The following BANK1 variants were observed in gnomAD, a reference collection of about 807,000 sequenced individuals.
BANK1 encodes B cell scaffold protein with ankyrin repeats 1.
In BANK1, 95 loss-of-function variants were observed where a neutral mutation model predicts 94.5. The observed-to-expected ratio is 1.00, with a 90% CI of 0.85 to 1.19. The LOEUF is 1.19. Ranked by LOEUF, BANK1 falls within the 50% of genes most tolerant of loss-of-function variation. BANK1 has a pLI of 0.00. For missense variants in BANK1, 987 were observed against 932.2 expected (o/e 1.06, Z -0.77); for synonymous variants, 334 against 308.4 (o/e 1.08, Z -0.87).
At chr4:101,883,568 C>T (rs1728749991) in intron 5 of BANK1, among the ~76,000 whole-genome samples, 3 of 152,140 alleles carry the variant, frequency 2.0e-5, no homozygotes. Flanking sequence ...CAAACTAAAG[C>T]ATCTTCATGC....
intron 7 of BANK1, among the ~76,000 whole-genome samples, chr4:101,926,510 G>A (rs1723157395): frequency 6.6e-6 from 1 of 151,772 alleles, no homozygotes; most frequent in Middle Eastern, 3.4e-3. Flanking sequence ...TTGACTCAAC[G>A]AATATTTATT....
intron 7 of BANK1, among the ~76,000 whole-genome samples, chr4:101,965,872 A>T (rs1724733102): frequency 6.6e-6 from 1 of 152,116 alleles, no homozygotes; most frequent in Non-Finnish European, 1.5e-5. Flanking sequence ...AAACATGCTA[A>T]ACTAGGCACT....
chr4:102,072,500 T>C (rs1728792941), intron 15 of BANK1, 100 bp downstream of exon 15: 1 of 873,744 alleles, frequency 1.1e-6, no homozygotes, highest in Non-Finnish European at 1.8e-6. Flanking sequence ...TTAGACATTC[T>C]AACAGATATG....
At chr4:101,834,847 G>GA (rs1726765080) in intron 2 of BANK1, among the ~76,000 whole-genome samples, 1 of 152,002 alleles carries the variant, frequency 6.6e-6, no homozygotes, top group South Asian at 2.1e-4. Context: ...ATAACACAAA[G>GA]AAAAATCAGA....
chr4:101,988,052 G>A (rs1048184027), intron 7 of BANK1, among the ~76,000 whole-genome samples: 2 of 152,172 alleles, frequency 1.3e-5, no homozygotes, highest in Non-Finnish European at 2.9e-5. Context: ...CACATTGAGT[G>A]AGCAAGGAAT....
intron 7 of BANK1, among the ~76,000 whole-genome samples, chr4:101,952,750 C>T (rs1218028092): frequency 1.3e-5 from 2 of 152,046 alleles, no homozygotes; most frequent in East Asian, 3.9e-4. Context: ...GCAAAAGAGG[C>T]ATGAGAGCTG....
At chr4:101,898,280 A>G (rs1327794050) in intron 6 of BANK1, among the ~76,000 whole-genome samples, 1 of 151,924 alleles carries the variant, frequency 6.6e-6, no homozygotes, top group African/African-American at 2.4e-5. Flanking sequence ...AAGACTTTGC[A>G]CCTGTGTTTC....
intron 3 of BANK1, among the ~76,000 whole-genome samples, chr4:101,861,963 A>G (rs1727893289): frequency 6.6e-6 from 1 of 152,228 alleles, no homozygotes; most frequent in Non-Finnish European, 1.5e-5. Flanking sequence ...AGTCAACTCA[A>G]AAACCATGGC....
intron 1 of BANK1, among the ~76,000 whole-genome samples, chr4:101,820,045 G>A (rs1326229240): frequency 6.6e-6 from 1 of 152,168 alleles, no homozygotes; most frequent in African/African-American, 2.4e-5. Flanking sequence ...GGAAATTCTG[G>A]CATTGCAGCC....
chr4:102,022,365 C>T (rs1726943754), intron 8 of BANK1, among the ~76,000 whole-genome samples: 3 of 152,132 alleles, frequency 2.0e-5, no homozygotes, highest in African/African-American at 7.2e-5. Context: ...TTTACTTTCT[C>T]TCCTACCCCA....
chr4:101,933,981 A>T (rs1437117271), intron 7 of BANK1, among the ~76,000 whole-genome samples: 1 of 151,472 alleles, frequency 6.6e-6, no homozygotes, highest in Admixed American at 6.6e-5. Context: ...CAAACAAAAA[A>T]CCCTGGTGTC....
Position 101,855,102 on chromosome 4 carries a change from T to C in BANK1, c.537T>C (p.Ser179=), listed in dbSNP as rs1199073630. ...GAGCAAAACATTCTGGGGAAATAAGTGAGAGAAAGGAAATTGAAGAACTAT... is the reference window on the plus strand; with the variant it reads ...GAGCAAAACATTCTGGGGAAATAAGCGAGAGAAAGGAAATTGAAGAACTAT... ...DLRAKHSGEI[S]ERKEIEELSE... Residue 179 remains serine (S), a synonymous_variant, in exon 3 of 17, where the codon AGT becomes AGC. Coordinates refer to ENST00000322953, the MANE Select transcript of BANK1 (RefSeq NM_017935.5). 1.9e-6 allele frequency: 3 copies of C among 1,613,320 alleles called. No individual in the cohort carries two copies. The highest frequency in any genetic ancestry group is 4.5e-5 in the East Asian group (2 of 44,862).
chr4:101,873,978 C>T (rs1179675653), intron 5 of BANK1, among the ~76,000 whole-genome samples: 2 of 151,836 alleles, frequency 1.3e-5, no homozygotes, highest in Non-Finnish European at 2.9e-5. Flanking sequence ...TAAAAGAACA[C>T]AGTAATTATT....
intron 1 of BANK1, among the ~76,000 whole-genome samples, chr4:101,795,107 T>A (rs1725111704): frequency 6.6e-6 from 1 of 152,032 alleles, no homozygotes; most frequent in South Asian, 2.1e-4. Flanking sequence ...CCTCCTTTGG[T>A]CGGGAACAAT....
At chr4:102,007,196 A>G (rs368989277) in intron 7 of BANK1, among the ~76,000 whole-genome samples, 91 of 132,340 alleles carry the variant, frequency 6.9e-4, no homozygotes, top group African/African-American at 2.4e-3. Context: ...AATGCCTGAC[A>G]TCTGGATCAC....
At chr4:101,929,858 G>T (rs1321252702) in intron 7 of BANK1, among the ~76,000 whole-genome samples, 1 of 151,048 alleles carries the variant, frequency 6.6e-6, no homozygotes, top group Non-Finnish European at 1.5e-5. Flanking sequence ...TTTTTAATTA[G>T]TAAAAAAAAT....
At chr4:102,006,365 C>T (rs552581994) in intron 7 of BANK1, among the ~76,000 whole-genome samples, 1 of 151,964 alleles carries the variant, frequency 6.6e-6, no homozygotes, top group African/African-American at 2.4e-5. Context: ...TCTAGAGATT[C>T]TAACTTAATT....
At chr4:102,069,143 A>T (rs1341925032) in intron 13 of BANK1, among the ~76,000 whole-genome samples, 1 of 152,240 alleles carries the variant, frequency 6.6e-6, no homozygotes, top group Non-Finnish European at 1.5e-5. Context: ...AATTAAGGAA[A>T]GAAGAAGGGC....
intron 7 of BANK1, among the ~76,000 whole-genome samples, chr4:101,975,010 A>G (rs777927138): frequency 2.0e-5 from 3 of 152,114 alleles, no homozygotes; most frequent in Non-Finnish European, 2.9e-5. Context: ...ATTGTAACCT[A>G]CAAGCCAAAC....
Sources: allele counts gnomAD v4.1 joint callset (sites outside exome capture counted in the v4.1 genomes callset), GRCh38; gene constraint gnomAD v4.1.1; transcripts MANE v1.5; gene names NCBI Gene and HGNC (gene_info 2026-07-23, HGNC 2026-07-21).